SMC4: variants seen among roughly 807,000 people sequenced by gnomAD.
SMC4 encodes the protein structural maintenance of chromosomes 4, also known as structural maintenance of chromosomes protein 4.
Under a neutral mutation model 145.6 loss-of-function variants are expected in SMC4, and 87 were observed. The ratio of observed to expected loss-of-function variants is 0.60; its 90% CI spans 0.50 to 0.71. SMC4 has a LOEUF of 0.71. Among genes scored for constraint, SMC4 ranks in the 30% least tolerant of loss-of-function variants. SMC4 has a pLI of 0.00. For missense variants in SMC4, 1,447 were observed against 1,537.1 expected (o/e 0.94, Z 0.98); for synonymous variants, 558 against 500.7 (o/e 1.11, Z -1.53).
rs771963459 is a variant in SMC4, at chr3:160,414,536, T to A, written c.1272+19T>A. 4 of 1,601,760 alleles carry A rather than the reference T, an allele frequency of 2.5e-6. No individual in the cohort carries two copies. The East Asian group carries it at 9.0e-5, about 36-fold the overall frequency. Reference sequence around the variant, plus strand: ...AGAAAAGGTAGGTGTTAGAAAAAAATTCTTAAAATTTCACGTCTGAATATC... The same window carrying A: ...AGAAAAGGTAGGTGTTAGAAAAAAAATCTTAAAATTTCACGTCTGAATATC... On this transcript the variant is annotated intron_variant, in intron 9 of 23. Coordinates refer to ENST00000357388, the MANE Select transcript of SMC4 (RefSeq NM_001002800.3).
intron 11 of SMC4, 132 bp from the exon 12 acceptor site, chr3:160,419,226 A>C (rs1716906790): frequency 4.9e-6 from 3 of 606,866 alleles, no homozygotes; most frequent in Non-Finnish European, 5.4e-6. Flanking sequence ...ACAGGTGCTC[A>C]GTTTTGGTTC....
chr3:160,402,059 A>G lies in SMC4; in HGVS notation c.284A>G (p.Tyr95Cys), dbSNP rs1714743484. 4 of 1,556,844 alleles carry G rather than the reference A, an allele frequency of 2.6e-6. No individual in the cohort carries two copies. The highest frequency in any genetic ancestry group is 2.8e-5 in the African/African-American group (2 of 70,888). Reference protein sequence around the residue: ...THIVNQNFKSYAGEKILGPFH... With the variant: ...THIVNQNFKSCAGEKILGPFH... ...ATTGTAAACCAGAACTTCAAATCCT[A>G]TGCTGGGGAGAAAATTCTGGGACCT... is the stretch of plus-strand genomic sequence containing the variant. Residue 95 changes from tyrosine (Y) to cysteine (C), a missense_variant, in exon 3 of 24, where the codon TAT becomes TGT. Transcript: ENST00000357388.
chr3:160,420,431 T>C (rs1042335447), intron 12 of SMC4, among the ~76,000 whole-genome samples: 14 of 152,206 alleles, frequency 9.2e-5, no homozygotes, highest in African/African-American at 3.4e-4. Context: ...TCATCAGGAT[T>C]TACATAATTT....
At chr3:160,427,915 C>A (rs998620382) in intron 17 of SMC4, among the ~76,000 whole-genome samples, 1 of 152,122 alleles carries the variant, frequency 6.6e-6, no homozygotes, top group Non-Finnish European at 1.5e-5. Context: ...GGTGAAACCC[C>A]ATCTCTTTGA....
chr3:160,404,662 C>A, intron 5 of SMC4, 158 bp downstream of exon 5: 1 of 796,296 alleles, frequency 1.3e-6, no homozygotes, highest in Non-Finnish European at 2.3e-6. Context: ...TTATTTGCTG[C>A]TCTAGAAATT....
Position 160,433,201 on chromosome 3 carries a change from T to C in SMC4, c.3706T>C (p.Tyr1236His), listed in dbSNP as rs775585225. Residue 1236 changes from tyrosine to histidine, a missense_variant, in exon 23 of 24, where the codon TAT becomes CAT. Transcript: ENST00000357388. ...DFKNVSIVAF[Y>H]IYEQTKNAQF... ...TAAAAATGTGTCCATTGTTGCATTT[T>C]ATATATATGTAAGTAATCATTTTGG... The C allele has an allele frequency of 6.2e-7, 1 of 1,609,292 alleles. No individual in the cohort carries two copies. The highest frequency in any genetic ancestry group is 1.7e-5 in the Admixed American group (1 of 59,752).
Position 160,426,075 on chromosome 3 carries a change from G to A in SMC4, c.2480G>A (p.Arg827His), listed in dbSNP as rs143540491. 1.8e-5 allele frequency: 28 copies of A among 1,595,392 alleles called. No individual in the cohort carries two copies. The highest frequency in any genetic ancestry group is 1.6e-4 in the African/African-American group (12 of 73,852). ...TTAAATGTTAAAACTTTTTTGTAGC[G>A]TTTAATAGAGCAAGAAGAATATTTG... is the stretch of plus-strand genomic sequence containing the variant. ...TLEKFTASIQ[R>H]LIEQEEYLNV... Residue 827 changes from arginine to histidine, a missense_variant and splice_region_variant, in exon 17 of 24, where the codon CGT (arginine) becomes CAT (histidine). Transcript: ENST00000357388.
intron 9 of SMC4, 28 bp from the exon 10 acceptor site, chr3:160,416,223 G>GC: frequency 6.7e-7 from 1 of 1,499,798 alleles, no homozygotes; most frequent in South Asian, 1.4e-5. Context: ...AAAGATGTAT[G>GC]CTCCTATAAC....
chr3:160,403,284 C>T (rs1340818045), intron 4 of SMC4, among the ~76,000 whole-genome samples: 1 of 151,944 alleles, frequency 6.6e-6, no homozygotes, highest in East Asian at 1.9e-4. Flanking sequence ...TGTTAGTGGC[C>T]CCTGAGTATC....
At chr3:160,426,984 TGA>T (rs776994550) in intron 17 of SMC4, among the ~76,000 whole-genome samples, 1 of 152,160 alleles carries the variant, frequency 6.6e-6, no homozygotes, top group Non-Finnish European at 1.5e-5. Context: ...AAAGAACTAA[TGA>T]GAGTGGAGTT....
At chr3:160,415,217 C>G (rs1376280955) in intron 9 of SMC4, among the ~76,000 whole-genome samples, 3 of 152,108 alleles carry the variant, frequency 2.0e-5, no homozygotes, top group Non-Finnish European at 4.4e-5. Flanking sequence ...ACAGAAAATC[C>G]AAAATTAGCC....
rs967931947 is a variant in SMC4, at chr3:160,412,340, G to A, written c.867G>A (p.Lys289=). ...EHRGEKLNRV[K]MVEKEKDALE... ...AATTTCTGTAGTTAAACAGGGTAAAGATGGTGGAAAAGGAAAAGGATGCCT... is the reference window on the plus strand; with the variant it reads ...AATTTCTGTAGTTAAACAGGGTAAAAATGGTGGAAAAGGAAAAGGATGCCT... The change falls in exon 7 of 24, where the codon AAG becomes AAA. Residue 289 remains lysine (K), a synonymous_variant. Transcript: ENST00000357388. 6.9e-6 allele frequency: 11 copies of A among 1,597,906 alleles called. No homozygotes were observed. The highest frequency in any genetic ancestry group is 9.4e-6 in the Non-Finnish European group (11 of 1,165,914).
Position 160,420,731 on chromosome 3 carries a change from C to T in SMC4, c.1858-9C>T, listed in dbSNP as rs780038850. 12 of 1,611,358 alleles carry T rather than the reference C, an allele frequency of 7.4e-6. 1 individual carries two copies. The Admixed American group carries it at 1.7e-4, about 23-fold the overall frequency. ...CTAACTCTTTTTTCACCCCACTCTT[C>T]ATTATTAGGGGGACTTAGGAGCCAT... On this transcript the variant is annotated splice_polypyrimidine_tract_variant and intron_variant, in intron 12 of 23. Transcript: ENST00000357388.
intron 5 of SMC4, among the ~76,000 whole-genome samples, chr3:160,405,092 T>G (rs996013047): frequency 5.3e-5 from 8 of 152,096 alleles, no homozygotes; most frequent in Non-Finnish European, 1.0e-4. Context: ...ACTTACTTGG[T>G]GGAACCACTA....
rs190040635 is a variant in SMC4 at position 160,401,042 on chromosome 3, T to C, written c.139+77T>C. ...CAAACGCGCCCAGCCCGAGGCTGGC[T>C]GGGGTTGTTGAGCGCGGAGTTGACA... On this transcript the variant is annotated intron_variant, in intron 2 of 23. Coordinates refer to ENST00000357388, the MANE Select transcript of SMC4 (RefSeq NM_001002800.3). 1.9e-3 allele frequency: 2,543 copies of C among 1,347,150 alleles called. 62 individuals are homozygous for C. The Admixed American group carries it at 0.053, about 28-fold the overall frequency. The allele number at this position is 1,347,150 out of a possible 1,614,324, so 83.4% of individuals were successfully genotyped here. A position where few individuals can be genotyped will look rare whatever the true frequency, so the allele number is the denominator to read the frequency against.
At chr3:160,431,429 C>A (rs569031940) in intron 20 of SMC4, among the ~76,000 whole-genome samples, 10 of 152,304 alleles carry the variant, frequency 6.6e-5, no homozygotes, top group African/African-American at 2.2e-4. Context: ...ACTACCCTTT[C>A]ACCCTAGGGC....
intron 20 of SMC4, 59 bp downstream of exon 20, chr3:160,431,264 T>TG: frequency 7.0e-7 from 1 of 1,418,722 alleles, no homozygotes; most frequent in Non-Finnish European, 9.4e-7. Context: ...AAGGAGGGTT[T>TG]GGGGAGGATT....
chr3:160,426,089 G>A lies in SMC4; in HGVS notation c.2494G>A (p.Glu832Lys), dbSNP rs115619229. ...TASIQRLIEQ[E>K]EYLNVQVKEL... is the part of the protein sequence containing the mutation. ...TTTTTTGTAGCGTTTAATAGAGCAA[G>A]AAGAATATTTGAATGTCCAAGTTAA... is the stretch of plus-strand genomic sequence containing the variant. The change falls in exon 17 of 24, where the codon GAA becomes AAA. Residue 832 changes from glutamate to lysine, a missense_variant. Physicochemically the swap from Glu to Lys is moderately conservative, Grantham distance 56. Coordinates refer to ENST00000357388, the MANE Select transcript of SMC4 (RefSeq NM_001002800.3). 1,756 of 1,603,756 alleles carry A rather than the reference G, an allele frequency of 1.1e-3. 20 individuals carry two copies. The African/African-American group carries it at 0.021, about 20-fold the overall frequency.
intron 5 of SMC4, among the ~76,000 whole-genome samples, chr3:160,405,151 G>A (rs772221476): frequency 3.9e-5 from 6 of 152,012 alleles, no homozygotes; most frequent in Admixed American, 1.3e-4. Context: ...TATCAGAGCT[G>A]TTACAGAGCA....
Sources: allele counts gnomAD v4.1 joint callset (sites outside exome capture counted in the v4.1 genomes callset), GRCh38; gene constraint gnomAD v4.1.1; transcripts MANE v1.5; gene names NCBI Gene and HGNC (gene_info 2026-07-23, HGNC 2026-07-21).